Variants in ARSG observed in about 807,000 individuals in gnomAD.
The protein encoded by ARSG is arylsulfatase G.
Under a neutral mutation model 50.5 loss-of-function variants are expected in ARSG, and 37 were observed. That is an observed-to-expected ratio of 0.73 (90% CI 0.56 to 0.96). The LOEUF is 0.96. Ranked by LOEUF, ARSG falls within the 50% of genes least tolerant of loss-of-function variation. The probability of loss-of-function intolerance (pLI) is 0.00; values close to 1 mark genes in which losing one functional copy is unlikely to be tolerated. For synonymous variants in ARSG, 225 were observed against 254.6 expected, an observed-to-expected ratio of 0.88 and a Z score of 1.11; for missense variants, 629 against 675.3, an observed-to-expected ratio of 0.93 and a Z score of 0.76.
downstream of ARSG, chr17:68,427,341 T>C: frequency 1.0e-6 from 1 of 986,900 alleles, no homozygotes; most frequent in Non-Finnish European, 1.6e-6. Flanking sequence ...TGAAGAAGCC[T>C]GTGCTCAGCT....
At chr17:68,445,851 G>A in the ARSG span, among the ~76,000 whole-genome samples, 5 of 152,190 alleles carry the variant, frequency 3.3e-5, no homozygotes, top group Non-Finnish European at 7.4e-5. Flanking sequence ...CTCCCCTCAG[G>A]CCAGTGTTTC....
chr17:68,343,578 T>C (rs1051292343), intron 2 of ARSG, 26 bp from the exon 3 acceptor site: 76 of 1,587,252 alleles, frequency 4.8e-5, no homozygotes, highest in Non-Finnish European at 6.3e-5. Context: ...GTTGGTGCGG[T>C]CCTGACCACT....
chr17:68,448,930 C>T, the ARSG span, among the ~76,000 whole-genome samples: 29 of 152,192 alleles, frequency 1.9e-4, no homozygotes, highest in Admixed American at 6.5e-4. Flanking sequence ...CTGCTACTCC[C>T]TACTTAAAAG....
chr17:68,398,712 T>G (rs1433630863), intron 10 of ARSG, among the ~76,000 whole-genome samples: 1 of 152,222 alleles, frequency 6.6e-6, no homozygotes, highest in Non-Finnish European at 1.5e-5. Flanking sequence ...AGAGGTGTCA[T>G]GTGCACAATG....
intron 5 of ARSG, among the ~76,000 whole-genome samples, chr17:68,354,022 C>CTT (rs1239565009): frequency 1.1e-5 from 1 of 93,798 alleles, no homozygotes; most frequent in Non-Finnish European, 2.4e-5. Flanking sequence ...TCTTCTTGTT[C>CTT]TTTTTTTTTT....
intron 8 of ARSG, among the ~76,000 whole-genome samples, chr17:68,372,158 C>A (rs530776090): frequency 6.6e-6 from 1 of 152,248 alleles, no homozygotes; most frequent in Non-Finnish European, 1.5e-5. Flanking sequence ...AATTTTAGAT[C>A]TGGGACTGTG....
intron 1 of ARSG, among the ~76,000 whole-genome samples, chr17:68,281,494 G>C (rs1391886758): frequency 1.3e-5 from 2 of 152,136 alleles, no homozygotes; most frequent in African/African-American, 4.8e-5. Flanking sequence ...AGACTCACTT[G>C]AACCTGGGAG....
At chr17:68,321,770 A>G (rs2077292581) in intron 2 of ARSG, among the ~76,000 whole-genome samples, 1 of 152,162 alleles carries the variant, frequency 6.6e-6, no homozygotes, top group Non-Finnish European at 1.5e-5. Context: ...TCTTGTTAAC[A>G]GGCTGCTGTA....
intron 5 of ARSG, among the ~76,000 whole-genome samples, 164 bp from the exon 6 acceptor site, chr17:68,356,503 A>C (rs369454421): frequency 1.3e-5 from 2 of 152,392 alleles, no homozygotes; most frequent in Admixed American, 6.5e-5. Flanking sequence ...GGAAGAAAGC[A>C]TTATGCATAG....
intron 1 of ARSG, among the ~76,000 whole-genome samples, chr17:68,281,126 C>CAA (rs782776858): frequency 4.1e-5 from 3 of 72,926 alleles, no homozygotes; most frequent in Non-Finnish European, 5.7e-5. Context: ...ACTCTGCCTC[C>CAA]AAAAAAAAAA....
chr17:68,436,993 CAAAA>C, the ARSG span, among the ~76,000 whole-genome samples: 1 of 124,672 alleles, frequency 8.0e-6, no homozygotes, highest in Non-Finnish European at 1.8e-5. Context: ...GACCCCGTCT[CAAAA>C]AAAAAAAAAT....
intron 1 of ARSG, among the ~76,000 whole-genome samples, chr17:68,296,238 C>T (rs1202020651): frequency 6.6e-6 from 1 of 152,132 alleles, no homozygotes; most frequent in Non-Finnish European, 1.5e-5. Flanking sequence ...TTGCCCCGAT[C>T]GAGTCACGCT....
At chr17:68,354,997 T>C (rs1038243648) in intron 5 of ARSG, among the ~76,000 whole-genome samples, 22 of 152,216 alleles carry the variant, frequency 1.4e-4, no homozygotes, top group African/African-American at 5.3e-4. Flanking sequence ...TCACAAATCC[T>C]TCCCAGCACT....
chr17:68,434,158 T>A, the ARSG span, among the ~76,000 whole-genome samples: 1 of 152,148 alleles, frequency 6.6e-6, no homozygotes, highest in African/African-American at 2.4e-5. Flanking sequence ...CATCTTGGAA[T>A]CTTCCAGTTG....
In ARSG at chr17:68,367,342, A is replaced by G. The variant is rs2079594293; in HGVS notation, c.705-1206A>G. On this transcript the variant is annotated intron_variant, in intron 6 of 11. Coordinates refer to ENST00000621439, the MANE Select transcript of ARSG (RefSeq NM_001267727.2). The surrounding 1 kb of genome is among the most constrained non-coding windows in gnomAD (Gnocchi z 4.5). The stretch of plus-strand genomic sequence containing the variant: ...CAGTTGGCTATAGAGCAAGGCTGTA[A>G]GGTGGTGTAAACCAGGGTGAGCTAA... Among the ~76,000 whole-genome samples the G allele has an allele frequency of 6.6e-6, 1 of 152,184 alleles. No homozygotes were observed. The highest frequency in any genetic ancestry group is 2.4e-5 in the African/African-American group (1 of 41,446).
intron 2 of ARSG, among the ~76,000 whole-genome samples, chr17:68,341,029 A>G (rs1019969351): frequency 2.6e-5 from 4 of 152,130 alleles, no homozygotes; most frequent in Admixed American, 2.6e-4. Context: ...CTACCATATC[A>G]CATAAAATCG....
chr17:68,283,897 A>C (rs2075779003), intron 1 of ARSG, among the ~76,000 whole-genome samples: 1 of 150,270 alleles, frequency 6.7e-6, no homozygotes, highest in Non-Finnish European at 1.5e-5. Context: ...AAAAAAAAAA[A>C]GACCAGCCTG....
the ARSG span, chr17:68,435,682 C>T: frequency 6.2e-7 from 1 of 1,614,180 alleles, no homozygotes; most frequent in Non-Finnish European, 8.5e-7. Flanking sequence ...GCTAGTGTTC[C>T]CTCATGGGCA....
chr17:68,382,898 C>G (rs989725179), intron 8 of ARSG, among the ~76,000 whole-genome samples: 5 of 152,180 alleles, frequency 3.3e-5, no homozygotes, highest in Non-Finnish European at 7.3e-5. Flanking sequence ...GTAGCCTGCA[C>G]TAACCAACTA....
Sources: gnomAD v4.1 joint callset for allele counts (sites outside exome capture counted in the v4.1 genomes callset) on GRCh38, gnomAD v4.1.1 for gene constraint, Gnocchi (gnomAD v3.1) non-coding constraint, MANE v1.5 for transcripts, NCBI Gene and HGNC (gene_info 2026-07-23, HGNC 2026-07-21) for gene names.